The following NDFIP1 variants were observed in gnomAD, a reference collection of about 807,000 sequenced individuals.
The protein encoded by NDFIP1 is Nedd4 family interacting protein 1.
In NDFIP1, 7 loss-of-function variants were observed where a neutral mutation model predicts 28.8. That is an observed-to-expected ratio of 0.24 (90% CI 0.14 to 0.46). The LOEUF (loss-of-function observed/expected upper bound fraction) is 0.46. Ranked by LOEUF, NDFIP1 falls within the 20% of genes least tolerant of loss-of-function variation. The pLI is 0.99. For synonymous variants in NDFIP1, 92 were observed against 101.0 expected (o/e 0.91, Z 0.53); for missense variants, 194 against 269.1 (o/e 0.72, Z 1.95).
At chr5:142,134,926 G>A (rs1757259031) in intron 3 of NDFIP1, among the ~76,000 whole-genome samples, 1 of 151,930 alleles carries the variant, frequency 6.6e-6, no homozygotes, top group Non-Finnish European at 1.5e-5. Context: ...ATGTATGATC[G>A]TACTATTCTT....
chr5:142,138,999 C>T (rs577988657), intron 5 of NDFIP1, among the ~76,000 whole-genome samples: 132 of 151,256 alleles, frequency 8.7e-4, no homozygotes, highest in African/African-American at 3.0e-3. Flanking sequence ...GGACAGATCA[C>T]GAAGTCAGGA....
intron 2 of NDFIP1, 146 bp downstream of exon 2, chr5:142,132,041 A>C: frequency 9.5e-7 from 1 of 1,055,842 alleles, no homozygotes; most frequent in Non-Finnish European, 1.3e-6. Context: ...AAGTGGATAC[A>C]TTTAAAAATC....
At chr5:142,129,911 C>CAAAAAA (rs749420090) in intron 1 of NDFIP1, among the ~76,000 whole-genome samples, 1 of 62,674 alleles carries the variant, frequency 1.6e-5, no homozygotes. Context: ...AACTACATCT[C>CAAAAAA]AAAAAAAAAA....
rs1183650296 is a variant in NDFIP1 at position 142,151,770 on chromosome 5, C to T, written c.*42C>T. 6.5e-6 allele frequency: 1 copy of T among 152,756 alleles called. No homozygotes were observed. 9.5% of individuals were successfully genotyped at this position (152,756 alleles called of 1,614,324 possible). The stretch of plus-strand genomic sequence containing the variant: ...AGGCCTTCCTGCATTTATGAATTCT[C>T]TCTCAAGAAGCAAGAGAACACCTGC... On this transcript the variant is annotated 3_prime_UTR_variant, in exon 8 of 8. Transcript: ENST00000253814.
chr5:142,150,721 CAAAAAAAAAA>C (rs11301868), intron 7 of NDFIP1, among the ~76,000 whole-genome samples: 7 of 133,816 alleles, frequency 5.2e-5, no homozygotes, highest in African/African-American at 1.9e-4. Flanking sequence ...CTCTTGTCTC[CAAAAAAAAAA>C]AAAAGAAAAG....
chr5:142,111,849 T>C (rs761923753), intron 1 of NDFIP1, among the ~76,000 whole-genome samples: 1 of 147,606 alleles, frequency 6.8e-6, no homozygotes, highest in African/African-American at 2.5e-5. Context: ...GGCGGATCAC[T>C]TGAGGTCAGG....
chr5:142,115,435 C>G (rs988047032), intron 1 of NDFIP1, among the ~76,000 whole-genome samples: 1 of 152,030 alleles, frequency 6.6e-6, no homozygotes, highest in Non-Finnish European at 1.5e-5. Context: ...AGGTGCCCAC[C>G]ACCACGCCCA....
rs750905376 is a variant in NDFIP1 at position 142,135,827 on chromosome 5, T to C, written c.370+10T>C. 2 of 1,602,060 alleles carry C rather than the reference T, an allele frequency of 1.2e-6. No individual in the cohort carries two copies. The highest frequency in any genetic ancestry group is 2.2e-5 in the South Asian group (2 of 90,814). Reference sequence around the variant, plus strand: ...ATGTTAACTTTTTTCAGTAAGTATGTATGCATATCAGAACCACCCCCTACA... The same window carrying C: ...ATGTTAACTTTTTTCAGTAAGTATGCATGCATATCAGAACCACCCCCTACA... On this transcript the variant is annotated intron_variant, in intron 4 of 7. Transcript: ENST00000253814.
At chr5:142,114,444 A>G (rs900341141) in intron 1 of NDFIP1, among the ~76,000 whole-genome samples, 7 of 152,088 alleles carry the variant, frequency 4.6e-5, no homozygotes, top group Admixed American at 2.6e-4. Context: ...TAATTTCTTC[A>G]TGATGTTTAC....
At chr5:142,137,988 G>A in intron 5 of NDFIP1, 130 bp downstream of exon 5, 2 of 1,210,390 alleles carry the variant, frequency 1.7e-6, no homozygotes, top group Non-Finnish European at 2.2e-6. Context: ...TTTGTCTGTG[G>A]TTTCATGATG....
intron 5 of NDFIP1, among the ~76,000 whole-genome samples, chr5:142,139,533 A>T (rs1364762792): frequency 6.6e-6 from 1 of 152,168 alleles, no homozygotes; most frequent in African/African-American, 2.4e-5. Context: ...AAAAAGAACT[A>T]TTTAAAAAAA....
At chr5:142,150,110 G>A (rs184937797) in intron 7 of NDFIP1, among the ~76,000 whole-genome samples, 220 of 151,640 alleles carry the variant, frequency 1.5e-3, no homozygotes, top group South Asian at 8.9e-3. Context: ...GAACCCGGGG[G>A]GCGGAGCTTG....
At chr5:142,118,454 G>A (rs376836132) in intron 1 of NDFIP1, among the ~76,000 whole-genome samples, 1 of 152,138 alleles carries the variant, frequency 6.6e-6, no homozygotes, top group African/African-American at 2.4e-5. Flanking sequence ...CTGTGGATTT[G>A]GGGGAAGACC....
At position 142,152,045 on chromosome 5, in the gene NDFIP1, G is replaced by C. The variant is rs528043464; in HGVS notation, c.*317G>C. On this transcript the variant is annotated 3_prime_UTR_variant, in exon 8 of 8. Transcript: ENST00000253814. ...TTTAAGTAGCATGAGCCATGTCCCT[G>C]TAGTCGGTAGGGGGCAGTCTTGCTT... is the stretch of plus-strand genomic sequence containing the variant. 2 of 152,876 alleles carry C rather than the reference G, an allele frequency of 1.3e-5. No homozygotes were observed. The highest frequency in any genetic ancestry group is 1.3e-4 in the Admixed American group (2 of 15,298). 9.5% of individuals were successfully genotyped at this position (152,876 alleles called of 1,614,324 possible). A position where few individuals can be genotyped will look rare whatever the true frequency, so the allele number is the denominator to read the frequency against.
At chr5:142,136,674 G>A (rs1333237892) in intron 4 of NDFIP1, among the ~76,000 whole-genome samples, 1 of 147,460 alleles carries the variant, frequency 6.8e-6, no homozygotes, top group Non-Finnish European at 1.5e-5. Context: ...AGAATCGATT[G>A]AACCCGGGAG....
At chr5:142,135,950 G>T in intron 4 of NDFIP1, 133 bp downstream of exon 4, 1 of 568,100 alleles carries the variant, frequency 1.8e-6, no homozygotes, top group Non-Finnish European at 3.0e-6. Context: ...GCCTTTTACT[G>T]GAATATTCAA....
chr5:142,128,220 G>T (rs1265939525), intron 1 of NDFIP1, among the ~76,000 whole-genome samples: 1 of 152,118 alleles, frequency 6.6e-6, no homozygotes. Context: ...CCAGTTGATG[G>T]AAGAGACTGA....
intron 1 of NDFIP1, among the ~76,000 whole-genome samples, chr5:142,109,524 TC>T (rs1353060488): frequency 6.6e-6 from 1 of 152,042 alleles, no homozygotes; most frequent in Admixed American, 6.5e-5. Context: ...TCGAAACCCA[TC>T]CCCCTCGCCT....
chr5:142,150,367 A>G (rs1293669911), intron 7 of NDFIP1, among the ~76,000 whole-genome samples: 1 of 151,548 alleles, frequency 6.6e-6, no homozygotes, highest in Non-Finnish European at 1.5e-5. Context: ...GAGGTCTTTC[A>G]ATCTCTTATG....
Sources: allele counts gnomAD v4.1 joint callset (sites outside exome capture counted in the v4.1 genomes callset), GRCh38; gene constraint gnomAD v4.1.1; transcripts MANE v1.5; gene names NCBI Gene and HGNC (gene_info 2026-07-23, HGNC 2026-07-21).